Variants in TRAPPC4 observed in about 807,000 individuals in gnomAD.
TRAPPC4 encodes the protein trafficking protein particle complex subunit 4.
TRAPPC4 carries 30 observed loss-of-function variants against 23.5 expected under a neutral mutation model. That is an observed-to-expected ratio of 1.28 (90% confidence interval 0.96 to 1.73). TRAPPC4 has a LOEUF of 1.73. Among genes scored for constraint, TRAPPC4 ranks in the 40% most tolerant of loss-of-function variants. The pLI, the probability that TRAPPC4 is intolerant of heterozygous loss-of-function variation, is 0.00. For synonymous variants in TRAPPC4, 129 were observed against 105.3 expected, an observed-to-expected ratio of 1.23 and a Z score of -1.38; for missense variants, 252 against 268.9, an observed-to-expected ratio of 0.94 and a Z score of 0.44.
chr11:119,019,984 A>G, intron 2 of TRAPPC4, 166 bp from the exon 3 acceptor site: 1 of 540,012 alleles, frequency 1.9e-6, no homozygotes, highest in Non-Finnish European at 3.3e-6. Flanking sequence ...AAATATTCAC[A>G]GAATTCAAAT....
At chr11:119,020,760 T>C (rs1943336824) in intron 3 of TRAPPC4, 1 of 147,220 alleles carries the variant, frequency 6.8e-6, no homozygotes, top group Admixed American at 6.9e-5. Context: ...GGCTGGAGTG[T>C]AGTGGCATGA....
In TRAPPC4 at chr11:119,019,177, C is replaced by T. The variant is rs147495978; in HGVS notation, c.210C>T (p.Asp70=). The change falls in exon 2 of 5, where the codon GAC becomes GAT. Residue 70 remains aspartate (D), a synonymous_variant. Coordinates refer to ENST00000533632, the MANE Select transcript of TRAPPC4 (RefSeq NM_016146.6). ...CAGTGCTGGCCATCAATGGCATGGA[C>T]GTGAATGGCAGGTACACGGCCGACG... The part of the protein sequence containing the change: ...GHAVLAINGM[D]VNGRYTADGK... 3.0e-5 allele frequency: 48 copies of T among 1,614,038 alleles called. No homozygotes were observed. In the Middle Eastern group the frequency reaches 1.2e-3, roughly 39 times the overall value.
chr11:119,021,661 T>G (rs1477093404), intron 3 of TRAPPC4, 99 bp from the exon 4 acceptor site: 2 of 1,317,736 alleles, frequency 1.5e-6, no homozygotes, highest in Non-Finnish European at 2.1e-6. Context: ...AATAGGCTTA[T>G]GAAAGTGTTT....
chr11:119,019,361 A>G (rs782057309), intron 2 of TRAPPC4, 44 bp downstream of exon 2: 3 of 1,577,426 alleles, frequency 1.9e-6, no homozygotes, highest in African/African-American at 1.4e-5. Flanking sequence ...TAATTTGTCT[A>G]CCTTTTCTTA....
At chr11:119,020,748 C>A (rs1943336545) in intron 3 of TRAPPC4, 1 of 148,096 alleles carries the variant, frequency 6.8e-6, no homozygotes, top group Non-Finnish European at 1.5e-5. Context: ...CTCTGCCACT[C>A]AGGCTGGAGT....
chr11:119,018,939 G>T lies in TRAPPC4; in HGVS notation c.144G>T (p.Leu48Phe). The T allele has an allele frequency of 6.2e-7, 1 of 1,613,272 alleles. No homozygotes were observed. ...LLLKLHDERV[L>F]VAFGQRDGIR... ...TCAAGCTACACGATGAGCGTGTGTTGGTTGCTTTCGGCCAGCGGGACGGCA... is the reference window on the plus strand; with the variant it reads ...TCAAGCTACACGATGAGCGTGTGTTTGTTGCTTTCGGCCAGCGGGACGGCA... Residue 48 changes from leucine to phenylalanine, a missense_variant, in exon 1 of 5, where the codon TTG becomes TTT. This residue lies in a region of TRAPPC4 where 222 missense variants were observed against 217.8 expected (regional missense o/e 1.02). Transcript: ENST00000533632.
chr11:119,020,620 C>T (rs1424206506), intron 3 of TRAPPC4: 1 of 174,238 alleles, frequency 5.7e-6, no homozygotes, highest in East Asian at 1.7e-4. Flanking sequence ...TCATGGTGGT[C>T]TCAAACTCCC....
At chr11:119,021,688 C>G (rs980295022) in intron 3 of TRAPPC4, 72 bp from the exon 4 acceptor site, 2 of 1,540,802 alleles carry the variant, frequency 1.3e-6, no homozygotes, top group East Asian at 2.3e-5. Context: ...ATTGAAAGTG[C>G]TGTACAAATA....
At position 119,021,786 on chromosome 11, in the gene TRAPPC4, C is replaced by T; in HGVS notation, c.481C>T (p.Pro161Ser). Reference protein sequence around the residue: ...TGIKFVVLADPRQAGIDSLLR... With the variant: ...TGIKFVVLADSRQAGIDSLLR... ...GATCAAGTTTGTGGTTCTAGCAGAT[C>T]CTAGGCAAGCTGGAATAGATTCTCT... The change falls in exon 4 of 5, where the codon CCT becomes TCT. Residue 161 changes from proline to serine, a missense_variant. Pro to Ser is a moderately conservative substitution (Grantham distance 74, BLOSUM62 -1). Around this residue, in one of 3 missense-constraint regions of TRAPPC4, gnomAD observed 222 missense variants for 217.8 expected, o/e 1.02. Coordinates refer to ENST00000533632, the MANE Select transcript of TRAPPC4 (RefSeq NM_016146.6). 6.2e-7 allele frequency: 1 copy of T among 1,614,112 alleles called. No homozygotes were observed. Among genetic ancestry groups the T allele is most frequent in the Non-Finnish European group, 8.5e-7 (1 of 1,180,004 alleles).
At chr11:119,022,349 G>A (rs1943386230) in intron 4 of TRAPPC4, among the ~76,000 whole-genome samples, 1 of 152,118 alleles carries the variant, frequency 6.6e-6, no homozygotes, top group East Asian at 1.9e-4. Context: ...TCAGCACTTT[G>A]GAAGACGGAG....
rs1943242863 is a variant in TRAPPC4, at chr11:119,018,850, T to C, written c.55T>C (p.Leu19=). The part of the protein sequence containing the change: ...VNKAGGLIYQ[L]DSYAPRAEAE... ...CAAAGCTGGCGGCTTGATTTACCAG[T>C]TGGACAGCTACGCGCCACGGGCTGA... The change falls in exon 1 of 5, where the codon TTG becomes CTG. Residue 19 remains leucine (L), a synonymous_variant. Transcript: ENST00000533632. 1 of 1,614,054 alleles carries C rather than the reference T, an allele frequency of 6.2e-7. No homozygotes were observed. The highest frequency in any genetic ancestry group is 1.3e-5 in the African/African-American group (1 of 74,924).
rs1262702780 is a variant in TRAPPC4, at chr11:119,020,127, A to C, written c.351-23A>C. On this transcript the variant is annotated intron_variant, in intron 2 of 4. Coordinates refer to ENST00000533632, the MANE Select transcript of TRAPPC4 (RefSeq NM_016146.6). ...TTGAGAAGCACTCCTTCCTTAGAGC[A>C]ACTTTGCCTCCTTTGCATATAGGCT... is the stretch of plus-strand genomic sequence containing the variant. The C allele has an allele frequency of 3.8e-6, 6 of 1,590,638 alleles. No homozygotes were observed. In the South Asian group the frequency reaches 6.6e-5, roughly 18 times the overall value.
rs1261811943 is a variant in TRAPPC4 at position 119,023,561 on chromosome 11, C to G, written c.*162C>G. 1.9e-5 allele frequency: 12 copies of G among 628,178 alleles called. No individual in the cohort carries two copies. The East Asian group carries it at 2.8e-4, about 15-fold the overall frequency. The allele number at this position is 628,178 out of a possible 1,614,324, so 38.9% of individuals were successfully genotyped here. ...GATTCCTGAGCCTTAACACTGTGCT[C>G]TTTCCTTCTGTATATACCATGGTCT... On this transcript the variant is annotated 3_prime_UTR_variant, in exon 5 of 5. Coordinates refer to ENST00000533632, the MANE Select transcript of TRAPPC4 (RefSeq NM_016146.6).
chr11:119,019,758 A>G (rs1943290702), intron 2 of TRAPPC4: 1 of 195,252 alleles, frequency 5.1e-6, no homozygotes, highest in South Asian at 8.5e-5. Flanking sequence ...CATCTTACTT[A>G]AAGTCAACTT....
intron 2 of TRAPPC4, 187 bp downstream of exon 2, chr11:119,019,504 G>A (rs566446140): frequency 6.5e-6 from 4 of 615,740 alleles, no homozygotes; most frequent in African/African-American, 5.6e-5. Context: ...CGCAGTGGCG[G>A]GATCTCGGCT....
At chr11:119,020,093 A>G (rs944695122) in intron 2 of TRAPPC4, 57 bp from the exon 3 acceptor site, 37 of 1,275,110 alleles carry the variant, frequency 2.9e-5, no homozygotes, top group Non-Finnish European at 4.1e-5. Flanking sequence ...GGGACACTTC[A>G]GTGGAAGTTT....
Position 119,023,493 on chromosome 11 carries a change from T to C in TRAPPC4, c.*94T>C. 8.1e-7 allele frequency: 1 copy of C among 1,236,936 alleles called. No individual in the cohort carries two copies. The highest frequency in any genetic ancestry group is 1.2e-5 in the South Asian group (1 of 81,546). The allele number at this position is 1,236,936 out of a possible 1,614,324, so 76.6% of individuals were successfully genotyped here. ...GTGGAAATCCCAGCAGCCTTGTTAGTGCACTTGAAAGTGGGAGAATGCTGA... is the reference window on the plus strand; with the variant it reads ...GTGGAAATCCCAGCAGCCTTGTTAGCGCACTTGAAAGTGGGAGAATGCTGA... On this transcript the variant is annotated 3_prime_UTR_variant, in exon 5 of 5. Coordinates refer to ENST00000533632, the MANE Select transcript of TRAPPC4 (RefSeq NM_016146.6).
intron 3 of TRAPPC4, 156 bp from the exon 4 acceptor site, chr11:119,021,604 C>G (rs1943360013): frequency 1.3e-6 from 1 of 765,602 alleles, no homozygotes; most frequent in Non-Finnish European, 2.0e-6. Flanking sequence ...TCGGTAGATT[C>G]AAAGTCTTGC....
intron 2 of TRAPPC4, chr11:119,019,832 A>AAAT (rs10696222): frequency 0.29 from 66,392 of 230,114 alleles, 10,563 homozygotes; most frequent in African/African-American, 0.43. Context: ...TGACCTTTAA[A>AAAT]CTTTTTCTGC....
Sources: allele counts gnomAD v4.1 joint callset (sites outside exome capture counted in the v4.1 genomes callset), GRCh38; gene constraint gnomAD v4.1.1; regional missense constraint gnomAD v4.1.1; transcripts MANE v1.5; gene names NCBI Gene and HGNC (gene_info 2026-07-23, HGNC 2026-07-21).